The following HUWE1 variants were observed in gnomAD, a reference collection of about 807,000 sequenced individuals.
HUWE1 encodes E3 ubiquitin-protein ligase HUWE1.
HUWE1 carries 18 observed loss-of-function variants against 299.4 expected under a neutral mutation model. The observed-to-expected ratio is 0.06, with a 90% CI of 0.04 to 0.09. The LOEUF is 0.09. HUWE1 is among the 10% of genes least tolerant of loss of function. The probability of loss-of-function intolerance (pLI) is 1.00; values close to 1 mark genes in which losing one functional copy is unlikely to be tolerated. For missense variants in HUWE1, 1,832 were observed against 3,462.3 expected (o/e 0.53, Z 11.82); for synonymous variants, 1,317 against 1,286.1 (o/e 1.02, Z -0.51).
At chrX:53,578,422 G>A (rs1161425532) in intron 43 of HUWE1, among the ~76,000 whole-genome samples, 2 of 86,650 alleles carry the variant, frequency 2.3e-5, no homozygotes, top group Non-Finnish European at 4.5e-5. Flanking sequence ...CTGCCCGGCC[G>A]CCCCTACTGG....
At chrX:53,606,356 A>C (rs367860449) in intron 25 of HUWE1, among the ~76,000 whole-genome samples, 1 of 112,652 alleles carries the variant, frequency 8.9e-6, no homozygotes, top group African/African-American at 3.2e-5. Context: ...AAGCACATGA[A>C]AAGATGTTCA....
Position 53,573,731 on chromosome X carries a change from T to C in HUWE1, c.6312+19A>G. Reference sequence around the variant, plus strand: ...TGGAAGTACAGTGTAACATCTTAAATAGAAGTTGGAAATATTACCTCTTTG... The same window carrying C: ...TGGAAGTACAGTGTAACATCTTAAACAGAAGTTGGAAATATTACCTCTTTG... On this transcript the variant is annotated intron_variant, in intron 47 of 83. Transcript: ENST00000262854. The C allele has an allele frequency of 8.7e-6, 10 of 1,147,558 alleles. No homozygotes were observed. The highest frequency in any genetic ancestry group is 1.2e-5 in the Non-Finnish European group (10 of 836,693). The allele number at this position is 1,147,558 out of a possible 1,213,427, so 94.6% of individuals were successfully genotyped here. A position where few individuals can be genotyped will look rare whatever the true frequency, so the allele number is the denominator to read the frequency against.
chrX:53,550,550 TAG>T lies in HUWE1; in HGVS notation c.9488+114_9488+115del. The T allele has an allele frequency of 2.2e-5, 14 of 650,677 alleles. No homozygotes were observed. The South Asian group carries it at 3.2e-4, about 15-fold the overall frequency. 53.6% of individuals were successfully genotyped at this position (650,677 alleles called of 1,213,427 possible). A position where few individuals can be genotyped will look rare whatever the true frequency, so the allele number is the denominator to read the frequency against. On this transcript the variant is annotated intron_variant, in intron 66 of 83. Transcript: ENST00000262854. The stretch of plus-strand genomic sequence containing the variant: ...CTCTCACTTATTCAAGGAAATGGCT[TAG>T]AGAGACCATCCATCCTGCCTGTCAG...
chrX:53,683,495 A>G lies in HUWE1; in HGVS notation c.-163+2775T>C, dbSNP rs112487778. Among the ~76,000 whole-genome samples, 431 of 110,717 alleles carry G rather than the reference A, an allele frequency of 3.9e-3. 2 individuals are homozygous for G. Among genetic ancestry groups the G allele is most frequent in the African/African-American group, 0.014 (418 of 30,445 alleles). On this transcript the variant is annotated intron_variant, in intron 2 of 83. Coordinates refer to ENST00000262854, the MANE Select transcript of HUWE1 (RefSeq NM_031407.7). ...GCTCCTCTTTCCCACCGTTCAATTT[A>G]ACCCCCAACCCCACTCCCCAGCGAA...
intron 3 of HUWE1, among the ~76,000 whole-genome samples, chrX:53,664,239 C>G (rs924145367): frequency 1.8e-5 from 2 of 111,111 alleles, no homozygotes; most frequent in Non-Finnish European, 3.8e-5. Context: ...CTTGTACAGA[C>G]AGGGTTTTCG....
intron 4 of HUWE1, among the ~76,000 whole-genome samples, chrX:53,650,577 G>A (rs1242453415): frequency 8.9e-6 from 1 of 112,415 alleles, no homozygotes; most frequent in African/African-American, 3.2e-5. Context: ...CAAGCACAAC[G>A]TTAAGATATA....
At chrX:53,653,618 A>C (rs2068603670) in intron 4 of HUWE1, among the ~76,000 whole-genome samples, 1 of 112,619 alleles carries the variant, frequency 8.9e-6, no homozygotes, top group African/African-American at 3.2e-5. Context: ...TGTGATTAAG[A>C]ATCAGTAATA....
At chrX:53,658,651 G>A (rs921128576) in intron 3 of HUWE1, among the ~76,000 whole-genome samples, 10 of 110,942 alleles carry the variant, frequency 9.0e-5, no homozygotes, top group African/African-American at 3.3e-4. Context: ...GGAACAACTC[G>A]ATACATACAT....
chrX:53,628,699 A>G, intron 14 of HUWE1, 53 bp downstream of exon 14: 7 of 1,207,031 alleles, frequency 5.8e-6, no homozygotes, highest in South Asian at 1.8e-5. Flanking sequence ...AAAAAGACAA[A>G]GGCAGAGGGC....
chrX:53,618,565 CTTTTT>C (rs1158947305), intron 19 of HUWE1, among the ~76,000 whole-genome samples: 2 of 88,879 alleles, frequency 2.3e-5, no homozygotes. Context: ...TAAGAATTTT[CTTTTT>C]TTTTTTTTTT....
chrX:53,551,022 G>A lies in HUWE1; in HGVS notation c.9264C>T (p.Asp3088=), dbSNP rs1407216127. Residue 3088 remains aspartate (D), a synonymous_variant, in exon 65 of 84, where the codon GAC becomes GAT. Coordinates refer to ENST00000262854, the MANE Select transcript of HUWE1 (RefSeq NM_031407.7). ...TCAGGGCTTGAGCCTCAGCTGCAAT[G>A]TCAGGTGGCATCACAGCTAACACAC... ...EDSVLAVMPP[D]IAAEAQALRR... is the part of the protein sequence containing the mutation. 5 of 1,209,794 alleles carry A rather than the reference G, an allele frequency of 4.1e-6. No homozygotes were observed. In the Admixed American group the frequency reaches 1.1e-4, roughly 26 times the overall value.
Position 53,591,000 on chromosome X carries a change from C to G in HUWE1, c.4095G>C (p.Arg1365=), listed in dbSNP as rs782298191. 3 of 1,210,809 alleles carry G rather than the reference C, an allele frequency of 2.5e-6. No homozygotes were observed. The highest frequency in any genetic ancestry group is 3.4e-6 in the Non-Finnish European group (3 of 895,188). Residue 1365 remains arginine, a splice_region_variant and synonymous_variant, in exon 34 of 84, where the codon CGG becomes CGC. Transcript: ENST00000262854. ...AATCACTGCTTCTGAGCCAACTTAC[C>G]CGAACAACTCCTCCCATGATTGGAG... ...HPPPIMGGVV[R]DLSMSEEDQM...
At chrX:53,553,185 C>T (rs1448697906) in intron 61 of HUWE1, among the ~76,000 whole-genome samples, 1 of 110,184 alleles carries the variant, frequency 9.1e-6, no homozygotes, top group Non-Finnish European at 1.9e-5. Context: ...ACTCTGTTGC[C>T]CAGGCTGGAG....
intron 3 of HUWE1, among the ~76,000 whole-genome samples, chrX:53,674,322 C>T (rs886549411): frequency 9.9e-5 from 11 of 111,533 alleles, no homozygotes; most frequent in Non-Finnish European, 1.9e-4. Context: ...TGTATATCCT[C>T]TCCCCAAATA....
intron 23 of HUWE1, among the ~76,000 whole-genome samples, chrX:53,610,649 T>C (rs1222846479): frequency 9.0e-6 from 1 of 110,693 alleles, no homozygotes; most frequent in Admixed American, 9.6e-5. Flanking sequence ...GTATATGGGG[T>C]TTTTTGGGAT....
chrX:53,565,327 A>G, intron 49 of HUWE1, 88 bp from the exon 50 acceptor site: 1 of 844,966 alleles, frequency 1.2e-6, no homozygotes, highest in Non-Finnish European at 1.7e-6. Context: ...TTACAATGGA[A>G]TCTACTAAGA....
At chrX:53,654,558 A>G (rs2068658295) in intron 3 of HUWE1, among the ~76,000 whole-genome samples, 1 of 111,901 alleles carries the variant, frequency 8.9e-6, no homozygotes, top group Admixed American at 9.5e-5. Flanking sequence ...AACCACAAGA[A>G]TCCATACTGC....
chrX:53,614,054 C>T (rs1211540220), intron 23 of HUWE1, among the ~76,000 whole-genome samples: 2 of 111,150 alleles, frequency 1.8e-5, no homozygotes, highest in African/African-American at 3.3e-5. Context: ...CACCTGACGT[C>T]GGGAGTTTGA....
intron 28 of HUWE1, among the ~76,000 whole-genome samples, chrX:53,602,295 T>A (rs950861380): frequency 1.0e-4 from 11 of 108,128 alleles, no homozygotes; most frequent in Non-Finnish European, 2.1e-4. Context: ...CACTGGCAAA[T>A]GTATTCAGAG....
Sources: allele counts gnomAD v4.1 joint callset (sites outside exome capture counted in the v4.1 genomes callset), GRCh38; gene constraint gnomAD v4.1.1; transcripts MANE v1.5; gene names NCBI Gene and HGNC (gene_info 2026-07-23, HGNC 2026-07-21).